PPP2R5C: variants seen among roughly 807,000 people sequenced by gnomAD.
PPP2R5C encodes the protein serine/threonine-protein phosphatase 2A 56 kDa regulatory subunit gamma isoform.
In PPP2R5C, 7 loss-of-function variants were observed where a neutral mutation model predicts 68.9. That is an observed-to-expected ratio of 0.10 (90% CI 0.06 to 0.19). PPP2R5C has a LOEUF of 0.19. Among genes scored for constraint, PPP2R5C ranks in the 10% least tolerant of loss-of-function variants. The pLI is 1.00. For synonymous variants in PPP2R5C, 210 were observed against 222.2 expected (o/e 0.95, Z 0.49); for missense variants, 348 against 641.3 (o/e 0.54, Z 4.94).
chr14:101,886,171 C>T (rs1180947880), intron 5 of PPP2R5C, among the ~76,000 whole-genome samples: 3 of 151,944 alleles, frequency 2.0e-5, no homozygotes, highest in African/African-American at 4.8e-5. Flanking sequence ...GTCCCAGCTA[C>T]TCGGGAGGCT....
Position 101,814,436 on chromosome 14 carries a change from G to A in PPP2R5C, c.94+4400G>A, listed in dbSNP as rs555807279. On this transcript the variant is annotated intron_variant, in intron 1 of 13. Coordinates refer to ENST00000334743, the Ensembl canonical transcript of PPP2R5C. Reference sequence around the variant, plus strand: ...GATAACTCTCTGAGGAAACAGGGGTGGGTATGTTTGTGTAAAGTCTGTACA... The same window carrying A: ...GATAACTCTCTGAGGAAACAGGGGTAGGTATGTTTGTGTAAAGTCTGTACA... Among the ~76,000 whole-genome samples the A allele has an allele frequency of 3.3e-5, 5 of 152,284 alleles. No individual in the cohort carries two copies. The East Asian group carries it at 9.6e-4, about 29-fold the overall frequency.
intron 3 of PPP2R5C, among the ~76,000 whole-genome samples, chr14:101,792,689 T>C (rs2038413911): frequency 6.6e-6 from 1 of 152,212 alleles, no homozygotes; most frequent in African/African-American, 2.4e-5. Context: ...AGCATTAGTC[T>C]TTCTGGTGTT....
chr14:101,830,812 G>A (rs978837965), intron 1 of PPP2R5C, among the ~76,000 whole-genome samples: 14 of 152,100 alleles, frequency 9.2e-5, no homozygotes, highest in African/African-American at 3.4e-4. Context: ...GCCAGCCCTC[G>A]GGGAGCTTGC....
chr14:101,882,380 G>T lies in PPP2R5C; in HGVS notation c.405+109G>T. Reference sequence around the variant, plus strand: ...TGGCCAGATGGACCTCTCCTCCTCAGTAGCATGGGCCTCGTAAACCCATAT... The same window carrying T: ...TGGCCAGATGGACCTCTCCTCCTCATTAGCATGGGCCTCGTAAACCCATAT... On this transcript the variant is annotated intron_variant, in intron 3 of 13. Coordinates refer to ENST00000334743, the Ensembl canonical transcript of PPP2R5C. This position sits in a 1 kb window ranked among gnomAD's most constrained non-coding sequence, Gnocchi z 4.9. The T allele has an allele frequency of 1.4e-6, 1 of 704,768 alleles. No individual in the cohort carries two copies. The highest frequency in any genetic ancestry group is 2.3e-6 in the Non-Finnish European group (1 of 431,432). The allele number at this position is 704,768 out of a possible 1,614,324, so 43.7% of individuals were successfully genotyped here.
intron 5 of PPP2R5C, among the ~76,000 whole-genome samples, chr14:101,886,954 C>G (rs576143685): frequency 4.0e-4 from 61 of 152,298 alleles, no homozygotes; most frequent in African/African-American, 1.4e-3. Flanking sequence ...AGGCTGGTCT[C>G]AAACTCCTGG....
rs545066598 is a variant in PPP2R5C, at chr14:101,773,790, G to A, written c.93+10820G>A. ...GCTCACTGCAGCCTTGAACTACTGG[G>A]CTCAAGCAATCCTCCCTCCTCAGCC... On this transcript the variant is annotated intron_variant, in intron 2 of 14. Transcript: ENST00000328724. Among the ~76,000 whole-genome samples the A allele has an allele frequency of 4.6e-5, 7 of 152,282 alleles. No individual in the cohort carries two copies. The East Asian group carries it at 9.6e-4, about 21-fold the overall frequency.
At chr14:101,796,572 C>T (rs1193874549) in intron 3 of PPP2R5C, 1 of 153,556 alleles carries the variant, frequency 6.5e-6, no homozygotes, top group Non-Finnish European at 1.4e-5. Context: ...AGAGTTACCA[C>T]CAGGGCCACT....
In PPP2R5C at chr14:101,856,620, T is replaced by A. The variant is rs2042439598; in HGVS notation, c.95-66T>A. ...AAATAAAAATAGAAGAAAGCTTAAA[T>A]GTGTTTCACAATAACTTTGGGTTAA... On this transcript the variant is annotated intron_variant, in intron 1 of 13. Transcript: ENST00000334743. 43 of 1,377,072 alleles carry A rather than the reference T, an allele frequency of 3.1e-5. 1 individual carries two copies. The South Asian group carries it at 4.8e-4, about 15-fold the overall frequency. 85.3% of individuals were successfully genotyped at this position (1,377,072 alleles called of 1,614,324 possible).
rs1441522960 is a variant in PPP2R5C, at chr14:101,913,136, A to G, written c.1326+663A>G. Among the ~76,000 whole-genome samples, 1 of 152,222 alleles carries G rather than the reference A, an allele frequency of 6.6e-6. No individual in the cohort carries two copies. Among genetic ancestry groups the G allele is most frequent in the Non-Finnish European group, 1.5e-5 (1 of 68,044 alleles). On this transcript the variant is annotated intron_variant, in intron 12 of 13. Transcript: ENST00000334743. The surrounding 1 kb of genome is among the most constrained non-coding windows in gnomAD (Gnocchi z 4.1). Reference sequence around the variant, plus strand: ...GGTTTGATGTACGCTGCTGTAAATGACTAGAGCGTTATGACAGTTTCTTCA... The same window carrying G: ...GGTTTGATGTACGCTGCTGTAAATGGCTAGAGCGTTATGACAGTTTCTTCA...
At chr14:101,808,432 G>A (rs2039166874), upstream of PPP2R5C, among the ~76,000 whole-genome samples, 2 of 152,152 alleles carry the variant, frequency 1.3e-5, no homozygotes. Context: ...CTGTCTGTCA[G>A]CTCTGGGGAA....
intron 8 of PPP2R5C, among the ~76,000 whole-genome samples, chr14:101,901,170 C>T (rs2045665814): frequency 1.3e-5 from 2 of 152,242 alleles, no homozygotes; most frequent in African/African-American, 2.4e-5. Flanking sequence ...AGTTTCAGTA[C>T]TGGCTGCTTC....
intron 2 of PPP2R5C, 113 bp from the exon 3 acceptor site, chr14:101,785,905 G>A: frequency 1.0e-6 from 1 of 972,856 alleles, no homozygotes; most frequent in African/African-American, 1.7e-5. Flanking sequence ...CTTCCATGGA[G>A]TGAAGGGGAA....
intron 2 of PPP2R5C, among the ~76,000 whole-genome samples, chr14:101,873,335 G>C (rs1457138508): frequency 6.6e-6 from 1 of 152,130 alleles, no homozygotes; most frequent in African/African-American, 2.4e-5. Context: ...ATTTTGCTTT[G>C]TTGAGTGCTA....
chr14:101,865,281 T>A (rs1352944020), intron 2 of PPP2R5C, among the ~76,000 whole-genome samples: 1 of 152,098 alleles, frequency 6.6e-6, no homozygotes, highest in East Asian at 1.9e-4. Context: ...GTCCACAGAG[T>A]CACAGGGACA....
At chr14:101,868,111 G>T (rs1056653296) in intron 2 of PPP2R5C, among the ~76,000 whole-genome samples, 7 of 152,168 alleles carry the variant, frequency 4.6e-5, no homozygotes, top group African/African-American at 1.2e-4. Context: ...AGTTTTACTT[G>T]CTATAAGGGT....
At chr14:101,808,888 A>G (rs1163490238), upstream of PPP2R5C, among the ~76,000 whole-genome samples, 1 of 152,194 alleles carries the variant, frequency 6.6e-6, no homozygotes, top group East Asian at 1.9e-4. Context: ...GAATCATCTC[A>G]CCGCACCCCC....
chr14:101,761,498 TG>T (rs1202718190), upstream of PPP2R5C, among the ~76,000 whole-genome samples: 1 of 84,654 alleles, frequency 1.2e-5, no homozygotes, highest in Non-Finnish European at 2.5e-5. Flanking sequence ...GCGGAGAGGG[TG>T]GGGGGAGCGG....
chr14:101,883,420 T>C lies in PPP2R5C; in HGVS notation c.499-12T>C. On this transcript the variant is annotated splice_polypyrimidine_tract_variant and intron_variant, in intron 4 of 13. Coordinates refer to ENST00000334743, the Ensembl canonical transcript of PPP2R5C. Reference sequence around the variant, plus strand: ...TGACACCCAGCCACTAAGTGTCTTTTTCTTCTCAAAGCTTTTAGAGCTCTT... The same window carrying C: ...TGACACCCAGCCACTAAGTGTCTTTCTCTTCTCAAAGCTTTTAGAGCTCTT... 1 of 1,612,634 alleles carries C rather than the reference T, an allele frequency of 6.2e-7. No individual in the cohort carries two copies.
rs567652105 is a variant in PPP2R5C, at chr14:101,798,179, C to T, written c.259+11996C>T. Among the ~76,000 whole-genome samples the T allele has an allele frequency of 3.2e-4, 48 of 151,872 alleles. No individual in the cohort carries two copies. In the South Asian group the frequency reaches 8.9e-3, roughly 28 times the overall value. On this transcript the variant is annotated intron_variant, in intron 3 of 14. Transcript: ENST00000328724. ...AAAAAAAAAAAAAAGTGCTGGCCAGCGCAGTGTGAGTGCACTGTGCACATG... is the reference window on the plus strand; with the variant it reads ...AAAAAAAAAAAAAAGTGCTGGCCAGTGCAGTGTGAGTGCACTGTGCACATG...
Sources: gnomAD v4.1 joint callset for allele counts (sites outside exome capture counted in the v4.1 genomes callset) on GRCh38, gnomAD v4.1.1 for gene constraint, Gnocchi (gnomAD v3.1) non-coding constraint, MANE v1.5 for transcripts, NCBI Gene and HGNC (gene_info 2026-07-23, HGNC 2026-07-21) for gene names.